SLC4A10: variants seen among roughly 807,000 people sequenced by gnomAD.
The protein encoded by SLC4A10 is solute carrier family 4 member 10.
In SLC4A10, 42 loss-of-function variants were observed where a neutral mutation model predicts 137.7. That is an observed-to-expected ratio of 0.30 (90% CI 0.24 to 0.39). The LOEUF is 0.39. SLC4A10 is among the 10% of genes least tolerant of loss of function. SLC4A10 has a pLI of 1.00. For synonymous variants in SLC4A10, 474 were observed against 464.1 expected (o/e 1.02, Z -0.27); for missense variants, 925 against 1,355.0 (o/e 0.68, Z 4.98).
intron 1 of SLC4A10, among the ~76,000 whole-genome samples, chr2:161,721,125 A>G (rs140859318): frequency 3.8e-3 from 575 of 151,956 alleles, no homozygotes; most frequent in African/African-American, 0.012. Flanking sequence ...CAGGGCCTTG[A>G]CTCTTTATCC....
chr2:161,694,754 A>G (rs1419564262), intron 1 of SLC4A10, among the ~76,000 whole-genome samples: 1 of 152,098 alleles, frequency 6.6e-6, no homozygotes, highest in Non-Finnish European at 1.5e-5. Flanking sequence ...TGAAATGGTA[A>G]CCATCAGTCA....
chr2:161,896,185 G>T (rs1222171110), intron 11 of SLC4A10, among the ~76,000 whole-genome samples: 2 of 151,886 alleles, frequency 1.3e-5, no homozygotes, highest in East Asian at 1.9e-4. Context: ...TTTCCCCATT[G>T]CTTGTTTTTG....
At position 161,775,710 on chromosome 2, in the gene SLC4A10, A is replaced by G. The variant is rs114135054; in HGVS notation, c.130+4656A>G. Among the ~76,000 whole-genome samples the G allele has an allele frequency of 6.7e-3, 1,019 of 152,040 alleles. 9 individuals are homozygous for G. The highest frequency in any genetic ancestry group is 0.02 in the Middle Eastern group (6 of 294). ...CCCTTCAGTTACTCTTATTCACCTC[A>G]GTTCTCTCTTCATTGTTCACCTTTG... On this transcript the variant is annotated intron_variant, in intron 2 of 26. Coordinates refer to ENST00000446997, the MANE Select transcript of SLC4A10 (RefSeq NM_001178015.2).
chr2:161,719,915 A>G (rs1197179740), intron 1 of SLC4A10, among the ~76,000 whole-genome samples: 1 of 152,026 alleles, frequency 6.6e-6, no homozygotes, highest in Non-Finnish European at 1.5e-5. Flanking sequence ...CCCATTTGTC[A>G]ATTTTGGCTT....
intron 1 of SLC4A10, among the ~76,000 whole-genome samples, chr2:161,697,157 G>GT (rs1222149046): frequency 1.3e-5 from 2 of 151,328 alleles, no homozygotes; most frequent in Non-Finnish European, 2.9e-5. Context: ...GGGGTTTTTT[G>GT]TTTTTTTCTT....
rs1694039549 is a variant in SLC4A10 at position 161,947,501 on chromosome 2, G to T, written c.2104-65G>T. 19 of 1,534,338 alleles carry T rather than the reference G, an allele frequency of 1.2e-5. 1 individual carries two copies. In the South Asian group the frequency reaches 2.3e-4, roughly 18 times the overall value. The stretch of plus-strand genomic sequence containing the variant: ...AACTACAATTGATCAGAAGGTGTTA[G>T]TTTTCTGCAAGAAATGTGTCCGGTT... On this transcript the variant is annotated intron_variant, in intron 16 of 26. Transcript: ENST00000446997.
At chr2:161,944,502 G>A (rs907508119) in intron 16 of SLC4A10, among the ~76,000 whole-genome samples, 1 of 151,742 alleles carries the variant, frequency 6.6e-6, no homozygotes, top group East Asian at 1.9e-4. Context: ...GGCTAGCTGT[G>A]AGTTAGATAC....
rs756346978 is a variant in SLC4A10 at position 161,942,876 on chromosome 2, T to C, written c.2082T>C (p.Ile694=). 1.3e-6 allele frequency: 2 copies of C among 1,597,516 alleles called. No individual in the cohort carries two copies. Among genetic ancestry groups the C allele is most frequent in the Admixed American group, 1.7e-5 (1 of 57,950 alleles). The change falls in exon 16 of 27, where the codon ATT becomes ATC. Residue 694 remains isoleucine, a synonymous_variant. Coordinates refer to ENST00000446997, the MANE Select transcript of SLC4A10 (RefSeq NM_001178015.2). ...RESNISASDI[I]WENLTVSECK... ...CCAATATTTCTGCCTCTGACATAAT[T>C]TGGGAGAACCTAACTGTGTCAGTAA...
intron 1 of SLC4A10, among the ~76,000 whole-genome samples, chr2:161,765,010 G>A (rs1309463557): frequency 6.6e-6 from 1 of 152,118 alleles, no homozygotes; most frequent in African/African-American, 2.4e-5. Flanking sequence ...CTGTTACTCT[G>A]TTCCAGGGCA....
intron 1 of SLC4A10, among the ~76,000 whole-genome samples, chr2:161,744,290 T>C (rs184766656): frequency 6.6e-6 from 1 of 152,270 alleles, no homozygotes; most frequent in East Asian, 1.9e-4. Flanking sequence ...TTTATTGTGT[T>C]CAGGTATGTT....
intron 26 of SLC4A10, among the ~76,000 whole-genome samples, chr2:161,981,889 C>T (rs140581622): frequency 6.6e-6 from 1 of 152,314 alleles, no homozygotes; most frequent in African/African-American, 2.4e-5. Flanking sequence ...CAGCGTGCCA[C>T]AGATGGCAGA....
At chr2:161,757,113 T>TA (rs2049742873) in intron 1 of SLC4A10, among the ~76,000 whole-genome samples, 1 of 152,114 alleles carries the variant, frequency 6.6e-6, no homozygotes, top group East Asian at 1.9e-4. Flanking sequence ...CACTGTGGAC[T>TA]ACTAGAGGGT....
intron 2 of SLC4A10, among the ~76,000 whole-genome samples, chr2:161,800,185 A>T (rs1279753318): frequency 1.3e-5 from 2 of 152,040 alleles, no homozygotes; most frequent in Non-Finnish European, 2.9e-5. Flanking sequence ...ATAACTCCTT[A>T]ACCATGCAGA....
At chr2:161,896,110 C>T (rs796975350) in intron 11 of SLC4A10, among the ~76,000 whole-genome samples, 3 of 152,276 alleles carry the variant, frequency 2.0e-5, no homozygotes, top group South Asian at 2.1e-4. Flanking sequence ...AGGAAGGGAT[C>T]CACTTTCAGC....
At chr2:161,929,047 G>A (rs536648936) in intron 15 of SLC4A10, among the ~76,000 whole-genome samples, 2 of 152,078 alleles carry the variant, frequency 1.3e-5, no homozygotes, top group South Asian at 4.2e-4. Context: ...TTCAAAATAT[G>A]CAAATAACTT....
rs1694776300 is a variant in SLC4A10, at chr2:161,951,385, A to G, written c.2541+537A>G. Among the ~76,000 whole-genome samples, 6 of 152,158 alleles carry G rather than the reference A, an allele frequency of 3.9e-5. No individual in the cohort carries two copies. In the South Asian group the frequency reaches 1.2e-3, roughly 32 times the overall value. ...TGCAGATTTCACTGTCTCTTTTATA[A>G]AAAGAATAACTATAGATGTGTCTTA... On this transcript the variant is annotated intron_variant, in intron 19 of 26. Transcript: ENST00000446997.
chr2:161,624,753 C>G (rs982917989), intron 1 of SLC4A10, among the ~76,000 whole-genome samples, 187 bp downstream of exon 1: 1 of 149,208 alleles, frequency 6.7e-6, no homozygotes, highest in African/African-American at 2.5e-5. Context: ...CGATTCTCCT[C>G]CCCCCCCCTT....
At chr2:161,874,834 A>G (rs1292299348) in intron 8 of SLC4A10, among the ~76,000 whole-genome samples, 4 of 152,232 alleles carry the variant, frequency 2.6e-5, no homozygotes, top group African/African-American at 7.2e-5. Flanking sequence ...TTGCAAAGTA[A>G]GAAAACTATT....
chr2:161,779,445 T>G (rs2052752649), intron 2 of SLC4A10, among the ~76,000 whole-genome samples: 1 of 151,994 alleles, frequency 6.6e-6, no homozygotes, highest in Non-Finnish European at 1.5e-5. Flanking sequence ...TACAACATAA[T>G]TCTATCAATG....
Sources: allele counts gnomAD v4.1 joint callset (sites outside exome capture counted in the v4.1 genomes callset), GRCh38; gene constraint gnomAD v4.1.1; transcripts MANE v1.5; gene names NCBI Gene and HGNC (gene_info 2026-07-23, HGNC 2026-07-21).